The following RIPOR2 variants were observed in gnomAD, a reference collection of about 807,000 sequenced individuals.
RIPOR2 encodes the protein rho family-interacting cell polarization regulator 2.
A neutral mutation model predicts 114.5 loss-of-function variants in RIPOR2; 39 were observed. The observed-to-expected ratio is 0.34, with a 90% CI of 0.26 to 0.44. The LOEUF is 0.44. Among genes scored for constraint, RIPOR2 ranks in the 20% least tolerant of loss-of-function variants. The probability of loss-of-function intolerance (pLI) is 1.00; values close to 1 mark genes in which losing one functional copy is unlikely to be tolerated. For synonymous variants in RIPOR2, 445 were observed against 484.4 expected (o/e 0.92, Z 1.07); for missense variants, 1,007 against 1,255.1 (o/e 0.80, Z 2.99).
intron 1 of RIPOR2, among the ~76,000 whole-genome samples, chr6:24,951,431 A>G (rs1772754548): frequency 6.6e-6 from 1 of 152,176 alleles, no homozygotes; most frequent in Non-Finnish European, 1.5e-5. Flanking sequence ...CTGCCAACTA[A>G]TGGAATAGGG....
At chr6:25,019,774 C>CAAAAAAAAAAAA (rs34107737) in intron 1 of RIPOR2, among the ~76,000 whole-genome samples, 71 of 53,064 alleles carry the variant, frequency 1.3e-3, no homozygotes, top group Middle Eastern at 0.016. Flanking sequence ...GACTCTGTCT[C>CAAAAAAAAAAAA]AAAAAAAAAA....
intron 1 of RIPOR2, among the ~76,000 whole-genome samples, chr6:25,010,414 T>G (rs1775730683): frequency 2.6e-5 from 4 of 152,150 alleles, no homozygotes; most frequent in Admixed American, 2.0e-4. Context: ...CTTCACCAGA[T>G]GCAGATGCTG....
At chr6:24,878,893 A>G (rs1639892748) in intron 1 of RIPOR2, among the ~76,000 whole-genome samples, 1 of 91,586 alleles carries the variant, frequency 1.1e-5, no homozygotes, top group East Asian at 2.8e-4. Flanking sequence ...AACGCTGGAG[A>G]GTAAAACATA....
At chr6:24,974,399 C>CAAACAAAAAAAA (rs60179438) in intron 1 of RIPOR2, among the ~76,000 whole-genome samples, 2 of 151,980 alleles carry the variant, frequency 1.3e-5, no homozygotes, top group African/African-American at 4.8e-5. Context: ...AACAAAAAAA[C>CAAACAAAAAAAA]CCAATTGAAA....
At chr6:24,964,107 A>G (rs1303749469) in intron 1 of RIPOR2, among the ~76,000 whole-genome samples, 1 of 150,344 alleles carries the variant, frequency 6.7e-6, no homozygotes, top group Non-Finnish European at 1.5e-5. Context: ...CAGGAAATTG[A>G]CATTGGTGCA....
intron 1 of RIPOR2, among the ~76,000 whole-genome samples, chr6:24,933,174 T>C (rs1771529642): frequency 6.6e-6 from 1 of 152,206 alleles, no homozygotes; most frequent in African/African-American, 2.4e-5. Flanking sequence ...GAATCTGAGG[T>C]TAACCAGACG....
At position 24,847,877 on chromosome 6, in the gene RIPOR2, T is replaced by A; in HGVS notation, c.1164+148A>T. The A allele has an allele frequency of 3.4e-6, 4 of 1,171,638 alleles. No homozygotes were observed. In the East Asian group the frequency reaches 1.0e-4, roughly 30 times the overall value. The allele number at this position is 1,171,638 out of a possible 1,614,324, so 72.6% of individuals were successfully genotyped here. On this transcript the variant is annotated intron_variant, in intron 12 of 21. Coordinates refer to ENST00000643898, the MANE Select transcript of RIPOR2 (RefSeq NM_001286445.3). ...GTTACCATCACAGCAATAGGTAAGGTGGGCAAGGAGAGAGGAAAAACAGAG... is the reference window on the plus strand; with the variant it reads ...GTTACCATCACAGCAATAGGTAAGGAGGGCAAGGAGAGAGGAAAAACAGAG...
At chr6:24,839,627 T>G in intron 13 of RIPOR2, 1 of 1,537,072 alleles carries the variant, frequency 6.5e-7, no homozygotes, top group Non-Finnish European at 8.8e-7. Context: ...AACAAAAAGT[T>G]GAAAAAAAAC....
intron 17 of RIPOR2, among the ~76,000 whole-genome samples, chr6:24,829,403 G>A (rs1760471661): frequency 6.6e-6 from 1 of 152,138 alleles, no homozygotes; most frequent in Non-Finnish European, 1.5e-5. Flanking sequence ...GGCCAAGGGA[G>A]GATTGCTTGA....
chr6:24,864,283 T>TCGCGC (rs1764364168), intron 7 of RIPOR2, among the ~76,000 whole-genome samples: 1 of 152,062 alleles, frequency 6.6e-6, no homozygotes, highest in South Asian at 2.1e-4. Context: ...TGAGCCAAGA[T>TCGCGC]CGCGCCACTG....
chr6:24,871,107 C>A (rs1339079605), intron 4 of RIPOR2, among the ~76,000 whole-genome samples: 1 of 152,138 alleles, frequency 6.6e-6, no homozygotes, highest in Non-Finnish European at 1.5e-5. Flanking sequence ...AGTAAGAGTA[C>A]ATTTAAGAGC....
Position 24,907,950 on chromosome 6 carries a change from G to T in RIPOR2, c.61+27888C>A, listed in dbSNP as rs181536448. 1.6e-3 allele frequency among the ~76,000 whole-genome samples: 238 copies of T among 152,168 alleles called. 1 individual carries two copies. The highest frequency in any genetic ancestry group is 0.014 in the Middle Eastern group (4 of 294). ...TGGGGAGCCAATTATGAGTGACTGGGCTATCTGTACCTCCTCTCCCCACCC... is the reference window on the plus strand; with the variant it reads ...TGGGGAGCCAATTATGAGTGACTGGTCTATCTGTACCTCCTCTCCCCACCC... On this transcript the variant is annotated intron_variant, in intron 1 of 21. Transcript: ENST00000643898.
chr6:24,948,800 G>C (rs1369071304), intron 1 of RIPOR2, among the ~76,000 whole-genome samples: 1 of 152,106 alleles, frequency 6.6e-6, no homozygotes, highest in East Asian at 1.9e-4. Context: ...CAAAGTGCTG[G>C]GATTACAGGC....
intron 1 of RIPOR2, among the ~76,000 whole-genome samples, chr6:24,964,135 T>C (rs1345978624): frequency 8.1e-6 from 1 of 123,164 alleles, no homozygotes; most frequent in Non-Finnish European, 1.6e-5. Context: ...AACAAGGAAA[T>C]TGACATTGGC....
chr6:24,913,377 T>C (rs997686556), intron 1 of RIPOR2, among the ~76,000 whole-genome samples: 1 of 152,126 alleles, frequency 6.6e-6, no homozygotes, highest in Admixed American at 6.5e-5. Context: ...GTGTGGAGTA[T>C]GGAAGGTGAA....
In RIPOR2 at chr6:24,856,900, T is replaced by G. The variant is rs559581104; in HGVS notation, c.715+4073A>C. On this transcript the variant is annotated intron_variant, in intron 8 of 21. Coordinates refer to ENST00000643898, the MANE Select transcript of RIPOR2 (RefSeq NM_001286445.3). ...TAAAGGGGAAATCCTTTGAAGGTGT[T>G]TTTCCCCCCCCTTTAAAATTACCAG... 2.0e-4 allele frequency among the ~76,000 whole-genome samples: 30 copies of G among 151,880 alleles called. 1 individual carries two copies. The South Asian group carries it at 6.3e-3, about 32-fold the overall frequency.
At chr6:24,891,748 G>C (rs1767380069) in intron 1 of RIPOR2, among the ~76,000 whole-genome samples, 1 of 141,394 alleles carries the variant, frequency 7.1e-6, no homozygotes, top group Admixed American at 6.8e-5. Context: ...CGTAACTCCT[G>C]TAATCACACC....
At chr6:24,962,994 C>G (rs1157627766) in intron 1 of RIPOR2, among the ~76,000 whole-genome samples, 1 of 152,180 alleles carries the variant, frequency 6.6e-6, no homozygotes, top group African/African-American at 2.4e-5. Flanking sequence ...CTATCCCTTT[C>G]TTTGATTGGC....
chr6:24,839,212 A>T lies in RIPOR2; in HGVS notation c.1918T>A (p.Leu640Ile). The T allele has an allele frequency of 6.4e-7, 1 of 1,551,848 alleles. No individual in the cohort carries two copies. Among genetic ancestry groups the T allele is most frequent in the Non-Finnish European group, 8.7e-7 (1 of 1,147,004 alleles). Residue 640 changes from leucine (L) to isoleucine (I), a missense_variant, in exon 14 of 22, where the codon TTA becomes ATA. By Grantham distance (5) the Leu-to-Ile change is conservative. Coordinates refer to ENST00000643898, the MANE Select transcript of RIPOR2 (RefSeq NM_001286445.3). ...SSLSLTVESA[L>I]ESFDFLNTSD... ...GTGTTCAGGAAATCAAAGCTTTCTA[A>T]AGCACTTTCAACTGTGAGACTTAAA... is the stretch of plus-strand genomic sequence containing the variant.
Sources: allele counts gnomAD v4.1 joint callset (sites outside exome capture counted in the v4.1 genomes callset), GRCh38; gene constraint gnomAD v4.1.1; transcripts MANE v1.5; gene names NCBI Gene and HGNC (gene_info 2026-07-23, HGNC 2026-07-21).